The following ARMC12 variants were observed in gnomAD, a reference collection of about 807,000 sequenced individuals.
ARMC12 encodes armadillo repeat containing 12.
Under a neutral mutation model 37.4 loss-of-function variants are expected in ARMC12, and 25 were observed. The ratio of observed to expected loss-of-function variants is 0.67; its 90% CI spans 0.49 to 0.93. The LOEUF (loss-of-function observed/expected upper bound fraction) is 0.93, where lower values mean the gene tolerates loss of function less well. Ranked by LOEUF, ARMC12 falls within the 40% of genes least tolerant of loss-of-function variation. The pLI is 0.00. For missense variants in ARMC12, 384 were observed against 426.6 expected, an observed-to-expected ratio of 0.90 and a Z score of 0.88; for synonymous variants, 167 against 176.1, an observed-to-expected ratio of 0.95 and a Z score of 0.41.
chr6:35,744,211 G>A (rs539188066), intron 3 of ARMC12, among the ~76,000 whole-genome samples: 1 of 151,904 alleles, frequency 6.6e-6, no homozygotes, highest in Non-Finnish European at 1.5e-5. Context: ...GCACAATCTC[G>A]GCTCACTGCA....
upstream of ARMC12, chr6:35,734,964 T>G (rs942457536): frequency 6.6e-6 from 1 of 152,358 alleles, no homozygotes; most frequent in South Asian, 2.1e-4. Context: ...CTAATCTCTC[T>G]GAATCATTTG....
chr6:35,741,088 T>G (rs1008153800), intron 3 of ARMC12, among the ~76,000 whole-genome samples: 2 of 152,026 alleles, frequency 1.3e-5, no homozygotes, highest in African/African-American at 4.8e-5. Flanking sequence ...AGGCTGGCCT[T>G]GAACTCCTGG....
intron 3 of ARMC12, among the ~76,000 whole-genome samples, chr6:35,738,837 T>C (rs1237426610): frequency 1.3e-5 from 2 of 152,146 alleles, no homozygotes; most frequent in Non-Finnish European, 2.9e-5. Flanking sequence ...ACAATTCAAT[T>C]CAGTTCAGAC....
At chr6:35,742,471 T>G (rs1274773921) in intron 3 of ARMC12, among the ~76,000 whole-genome samples, 1 of 117,816 alleles carries the variant, frequency 8.5e-6, no homozygotes, top group Non-Finnish European at 1.6e-5. Flanking sequence ...CACTCCAGCC[T>G]GGGCCACAGA....
At chr6:35,741,578 C>T (rs1767170360) in intron 3 of ARMC12, among the ~76,000 whole-genome samples, 1 of 152,052 alleles carries the variant, frequency 6.6e-6, no homozygotes, top group Admixed American at 6.6e-5. Flanking sequence ...ACCACCATGC[C>T]TGGCTAATTT....
chr6:35,741,421 T>TTC (rs1767164345), intron 3 of ARMC12, among the ~76,000 whole-genome samples: 1 of 151,434 alleles, frequency 6.6e-6, no homozygotes, highest in African/African-American at 2.4e-5. Context: ...CATTTTAATT[T>TTC]TTTTTTTTTT....
Position 35,748,646 on chromosome 6 carries a change from T to C in ARMC12, c.799T>C (p.Tyr267His). ...GAGTGAGGGCCGGAACGCACCCCAC[T>C]ACCACGTGGTGAAATGGCATTACAA... Reference protein sequence around the residue: ...RLSEGRNAPHYHVVKWHYNEQ... With the variant: ...RLSEGRNAPHHHVVKWHYNEQ... The change falls in exon 6 of 6, where the codon TAC becomes CAC. Residue 267 changes from tyrosine to histidine, a missense_variant. Physicochemically the swap from Tyr to His is moderately conservative, Grantham distance 83 (BLOSUM62 2). Transcript: ENST00000373866. 6.2e-7 allele frequency: 1 copy of C among 1,613,886 alleles called. No homozygotes were observed. Among genetic ancestry groups the C allele is most frequent in the East Asian group, 2.2e-5 (1 of 44,870 alleles).
chr6:35,732,127 C>T (rs931624895), upstream of ARMC12, among the ~76,000 whole-genome samples: 1 of 152,168 alleles, frequency 6.6e-6, no homozygotes, highest in Non-Finnish European at 1.5e-5. Context: ...CCTCCTTCCC[C>T]CCGCCGCAAC....
At chr6:35,747,057 T>TAAAAAAAAAAAAAAAA (rs74403253) in intron 3 of ARMC12, among the ~76,000 whole-genome samples, 8 of 82,534 alleles carry the variant, frequency 9.7e-5, no homozygotes, top group African/African-American at 4.0e-4. Context: ...AAGAAGTCTG[T>TAAAAAAAAAAAAAAAA]AAAAAAAAAA....
At chr6:35,745,610 A>G (rs1330326207) in intron 3 of ARMC12, among the ~76,000 whole-genome samples, 5 of 152,258 alleles carry the variant, frequency 3.3e-5, no homozygotes, top group Admixed American at 2.0e-4. Context: ...ACATAGAACT[A>G]TGCACACATA....
upstream of ARMC12, among the ~76,000 whole-genome samples, chr6:35,734,545 A>G (rs1296274253): frequency 5.3e-5 from 8 of 152,336 alleles, no homozygotes; most frequent in East Asian, 1.3e-3. Flanking sequence ...GCTCGTGCCT[A>G]TAATTCCAGC....
the ARMC12 span, among the ~76,000 whole-genome samples, chr6:35,731,784 C>T: frequency 8.6e-3 from 1,306 of 152,252 alleles, 13 homozygotes; most frequent in African/African-American, 0.026. Context: ...GCCACGAGAT[C>T]CTGAGAACCT....
Position 35,748,694 on chromosome 6 carries a change from C to T in ARMC12, c.847C>T (p.Leu283Phe), listed in dbSNP as rs1309330319. 6.2e-7 allele frequency: 1 copy of T among 1,614,196 alleles called. No individual in the cohort carries two copies. The highest frequency in any genetic ancestry group is 8.5e-7 in the Non-Finnish European group (1 of 1,180,038). The change falls in exon 6 of 6, where the codon CTC (leucine) becomes TTC (phenylalanine). Residue 283 changes from leucine to phenylalanine, a missense_variant. Transcript: ENST00000373866. ...CAACGAACAGTCCCTGCATGAATCCCTCTTTGGGGAAGAGTCCCGACTGGC... is the reference window on the plus strand; with the variant it reads ...CAACGAACAGTCCCTGCATGAATCCTTCTTTGGGGAAGAGTCCCGACTGGC... The part of the protein sequence containing the change: ...HYNEQSLHES[L>F]FGEESRLADR...
intron 5 of ARMC12, 86 bp downstream of exon 5, chr6:35,747,733 C>T (rs1226417400): frequency 7.2e-6 from 10 of 1,383,920 alleles, no homozygotes; most frequent in African/African-American, 4.3e-5. Context: ...GACAGATTTA[C>T]CCCTGATGAA....
chr6:35,736,210 G>A (rs962761664), upstream of ARMC12, among the ~76,000 whole-genome samples: 1 of 152,234 alleles, frequency 6.6e-6, no homozygotes, highest in African/African-American at 2.4e-5. Context: ...AGGGCAACAT[G>A]CAGATGCTGG....
At chr6:35,736,811 T>G, upstream of ARMC12, 1 of 405,120 alleles carries the variant, frequency 2.5e-6, no homozygotes, top group Admixed American at 3.6e-5. Flanking sequence ...GGTTTCACCA[T>G]ATTGGCCAGG....
intron 3 of ARMC12, among the ~76,000 whole-genome samples, chr6:35,743,755 G>T (rs140944669): frequency 4.0e-5 from 6 of 151,468 alleles, no homozygotes; most frequent in Non-Finnish European, 7.4e-5. Flanking sequence ...AAGGCGGGGG[G>T]TGGATAAAGG....
At chr6:35,733,420 A>T (rs114802053), upstream of ARMC12, among the ~76,000 whole-genome samples, 558 of 152,332 alleles carry the variant, frequency 3.7e-3, 2 homozygotes, top group African/African-American at 0.012. Context: ...TAATCCTCAC[A>T]AACAATCCCA....
At position 35,738,159 on chromosome 6, in the gene ARMC12, T is replaced by G; in HGVS notation, c.296T>G (p.Leu99Trp). ...ILHSITRCVY[L>W]LEAEASACTT... ...CACAGTATCACTCGCTGTGTGTACT[T>G]GCTGGAGGCTGAGGTAAGGGAAGCA... The change falls in exon 2 of 6, where the codon TTG becomes TGG. Residue 99 changes from leucine (L) to tryptophan (W), a missense_variant. Transcript: ENST00000373866. 1 of 1,612,522 alleles carries G rather than the reference T, an allele frequency of 6.2e-7. No individual in the cohort carries two copies. Among genetic ancestry groups the G allele is most frequent in the Non-Finnish European group, 8.5e-7 (1 of 1,179,174 alleles).
Sources: allele counts gnomAD v4.1 joint callset (sites outside exome capture counted in the v4.1 genomes callset), GRCh38; gene constraint gnomAD v4.1.1; transcripts MANE v1.5; gene names NCBI Gene and HGNC (gene_info 2026-07-23, HGNC 2026-07-21).